The following SPATA2L variants were observed in gnomAD, a reference collection of about 807,000 sequenced individuals.
SPATA2L encodes spermatogenesis-associated protein 2-like protein.
A neutral mutation model predicts 8.7 loss-of-function variants in SPATA2L; 5 were observed. The ratio of observed to expected loss-of-function variants is 0.57; its 90% CI spans 0.30 to 1.21. The LOEUF is 1.21. Among genes scored for constraint, SPATA2L ranks in the 50% most tolerant of loss-of-function variants. The pLI, the probability that SPATA2L is intolerant of heterozygous loss-of-function variation, is 0.07. For missense variants in SPATA2L, 671 were observed against 591.0 expected (o/e 1.14, Z -1.40); for synonymous variants, 358 against 275.8 (o/e 1.30, Z -2.95).
Position 89,697,524 on chromosome 16 carries a change from G to A in SPATA2L, c.1085C>T (p.Ser362Phe), listed in dbSNP as rs776302933. The change falls in exon 3 of 3, where the codon TCC becomes TTC. Residue 362 changes from serine to phenylalanine, a missense_variant. Coordinates refer to ENST00000289805, the MANE Select transcript of SPATA2L (RefSeq NM_152339.4). Reference sequence around the variant, plus strand: ...GCAGAGGGTGGGCAGGGCGCCAGGGGACAGGCAGCTGTGTGCCTGGTAGCC... The same window carrying A: ...GCAGAGGGTGGGCAGGGCGCCAGGGAACAGGCAGCTGTGTGCCTGGTAGCC... ...PPGYQAHSCL[S>F]PGALPTLCCD... 3.1e-6 allele frequency: 5 copies of A among 1,594,670 alleles called. No individual in the cohort carries two copies. Among genetic ancestry groups the A allele is most frequent in the Non-Finnish European group, 4.3e-6 (5 of 1,171,362 alleles).
Position 89,701,101 on chromosome 16 carries a change from G to A in SPATA2L, c.132C>T (p.Asp44=). The A allele has an allele frequency of 2.6e-6, 4 of 1,564,230 alleles. No individual in the cohort carries two copies. Among genetic ancestry groups the A allele is most frequent in the Non-Finnish European group, 3.4e-6 (4 of 1,161,268 alleles). ...CGTCGTCCTGCAGCGCCCCGTGCAG[G>A]TCGAAGTCCTCCACCAGGATCTGCC... ...VLWQILVEDF[D]LHGALQDDAL... is the part of the protein sequence containing the mutation. Residue 44 remains aspartate (D), a synonymous_variant, in exon 2 of 3, where the codon GAC becomes GAT. Coordinates refer to ENST00000289805, the MANE Select transcript of SPATA2L (RefSeq NM_152339.4).
rs745406687 is a variant in SPATA2L, at chr16:89,697,513, G to T, written c.1096C>A (p.Leu366Met). The change falls in exon 3 of 3, where the codon CTG (leucine) becomes ATG (methionine). Residue 366 changes from leucine (L) to methionine (M), a missense_variant. Leu to Met is a conservative substitution (Grantham distance 15, BLOSUM62 2). Coordinates refer to ENST00000289805, the MANE Select transcript of SPATA2L (RefSeq NM_152339.4). ...QAHSCLSPGA[L>M]PTLCCDTCRQ... ...CAGGTGTCGCAGCAGAGGGTGGGCA[G>T]GGCGCCAGGGGACAGGCAGCTGTGT... is the stretch of plus-strand genomic sequence containing the variant. 6.3e-7 allele frequency: 1 copy of T among 1,597,768 alleles called. No individual in the cohort carries two copies. Among genetic ancestry groups the T allele is most frequent in the Non-Finnish European group, 8.5e-7 (1 of 1,172,864 alleles).
Position 89,697,961 on chromosome 16 carries a change from G to A in SPATA2L, c.648C>T (p.Gly216=), listed in dbSNP as rs1232140318. ...GTGGGGCCCTGTAAGCAGCAGGGGA[G>A]CCTCGGGGGGGCAGGGGTGGCGGCT... is the stretch of plus-strand genomic sequence containing the variant. The part of the protein sequence containing the change: ...DEEPPPLPPR[G]SPAAYRAPLD... Residue 216 remains glycine, a synonymous_variant, in exon 3 of 3, where the codon GGC becomes GGT. Transcript: ENST00000289805. The A allele has an allele frequency of 6.2e-7, 1 of 1,606,160 alleles. No individual in the cohort carries two copies. Among genetic ancestry groups the A allele is most frequent in the Non-Finnish European group, 8.5e-7 (1 of 1,177,328 alleles).
intron 2 of SPATA2L, 94 bp downstream of exon 2, chr16:89,700,836 C>T (rs1031483779): frequency 7.6e-7 from 1 of 1,316,592 alleles, no homozygotes; most frequent in African/African-American, 1.6e-5. Flanking sequence ...CACTTGAAGC[C>T]CCTCTCTCTC....
Position 89,697,629 on chromosome 16 carries a change from C to G in SPATA2L, c.980G>C (p.Ser327Thr). The G allele has an allele frequency of 6.2e-7, 1 of 1,606,848 alleles. No individual in the cohort carries two copies. The highest frequency in any genetic ancestry group is 8.5e-7 in the Non-Finnish European group (1 of 1,179,788). ...ACGCCTCGGGCTGGCCGCTGCAGAG[C>G]TTTCAGGGGTGGCCAGGTCCCCAGG... ...SRPGDLATPE[S>T]SAAASPRRIR... The change falls in exon 3 of 3, where the codon AGC becomes ACC. Residue 327 changes from serine (S) to threonine (T), a missense_variant. Transcript: ENST00000289805.
rs1197156418 is a variant in SPATA2L, at chr16:89,696,740, G to T, written c.*594C>A. On this transcript the variant is annotated 3_prime_UTR_variant, in exon 3 of 3. Coordinates refer to ENST00000289805, the MANE Select transcript of SPATA2L (RefSeq NM_152339.4). ...CGCCTCTCGTGCACCTCCACATCTG[G>T]TTTGAGGTCAGGTCATTTCCTGTCT... The T allele has an allele frequency of 6.7e-7, 1 of 1,499,014 alleles. No homozygotes were observed. The highest frequency in any genetic ancestry group is 2.5e-5 in the East Asian group (1 of 40,498). The allele number at this position is 1,499,014 out of a possible 1,614,324, so 92.9% of individuals were successfully genotyped here. A position where few individuals can be genotyped will look rare whatever the true frequency, so the allele number is the denominator to read the frequency against.
In SPATA2L at chr16:89,696,616, A is replaced by C. The variant is rs923671738; in HGVS notation, c.*718T>G. The C allele has an allele frequency of 4.7e-6, 3 of 640,754 alleles. No homozygotes were observed. Among genetic ancestry groups the C allele is most frequent in the African/African-American group, 1.8e-5 (1 of 54,228 alleles). 39.7% of individuals were successfully genotyped at this position (640,754 alleles called of 1,614,324 possible). A position where few individuals can be genotyped will look rare whatever the true frequency, so the allele number is the denominator to read the frequency against. ...GAGGGGCACCATTACCACTGGACCC[A>C]CCAAGACCCCGCCGCCTGGGCGGGC... is the stretch of plus-strand genomic sequence containing the variant. On this transcript the variant is annotated 3_prime_UTR_variant, in exon 3 of 3. Coordinates refer to ENST00000289805, the MANE Select transcript of SPATA2L (RefSeq NM_152339.4).
At chr16:89,700,313 G>A (rs2060767412) in intron 2 of SPATA2L, among the ~76,000 whole-genome samples, 1 of 152,216 alleles carries the variant, frequency 6.6e-6, no homozygotes, top group Non-Finnish European at 1.5e-5. Context: ...CATGGCAACC[G>A]GCGGAGGCGT....
chr16:89,701,449 G>A (rs2060775283), intron 1 of SPATA2L, 179 bp downstream of exon 1: 2 of 442,078 alleles, frequency 4.5e-6, no homozygotes, highest in Non-Finnish European at 7.8e-6. Flanking sequence ...CCCTCCAGTT[G>A]AGCGCCCCCG....
chr16:89,699,155 G>C (rs2060758444), intron 2 of SPATA2L, among the ~76,000 whole-genome samples: 1 of 152,116 alleles, frequency 6.6e-6, no homozygotes, highest in South Asian at 2.1e-4. Context: ...ACAAAATGAA[G>C]AGCCCCTGTA....
At position 89,700,930 on chromosome 16, in the gene SPATA2L, C is replaced by G. The variant is rs762195901; in HGVS notation, c.303G>C (p.Lys101Asn). 6.8e-7 allele frequency: 1 copy of G among 1,464,932 alleles called. No individual in the cohort carries two copies. The highest frequency in any genetic ancestry group is 9.1e-7 in the Non-Finnish European group (1 of 1,104,888). The allele number at this position is 1,464,932 out of a possible 1,614,324, so 90.7% of individuals were successfully genotyped here. Residue 101 changes from lysine to asparagine, a missense_variant and splice_region_variant, in exon 2 of 3, where the codon AAG becomes AAC. Physicochemically the swap from Lys to Asn is moderately conservative, Grantham distance 94 (BLOSUM62 0). Transcript: ENST00000289805. ...LPWRKEFTTI[K>N]TFSGGYVHVL... ...GCGCTCCTCCTGGCCTGGCGCCTACCTTGATGGTGGTGAACTCCTTCCTCC... is the reference window on the plus strand; with the variant it reads ...GCGCTCCTCCTGGCCTGGCGCCTACGTTGATGGTGGTGAACTCCTTCCTCC...
rs933295837 is a variant in SPATA2L at position 89,696,960 on chromosome 16, C to T, written c.*374G>A. On this transcript the variant is annotated 3_prime_UTR_variant, in exon 3 of 3. Coordinates refer to ENST00000289805, the MANE Select transcript of SPATA2L (RefSeq NM_152339.4). ...CGTGGAGGACCCCCAAGTCCTGAGC[C>T]CCGTACTCCGTACTGCAGGGAGCAG... is the stretch of plus-strand genomic sequence containing the variant. 5.4e-6 allele frequency: 8 copies of T among 1,490,592 alleles called. No individual in the cohort carries two copies. In the African/African-American group the frequency reaches 1.1e-4, roughly 21 times the overall value. The allele number at this position is 1,490,592 out of a possible 1,614,324, so 92.3% of individuals were successfully genotyped here.
chr16:89,698,024 A>G lies in SPATA2L; in HGVS notation c.585T>C (p.Cys195=). 1.3e-6 allele frequency: 2 copies of G among 1,599,186 alleles called. No individual in the cohort carries two copies. Among genetic ancestry groups the G allele is most frequent in the South Asian group, 2.2e-5 (2 of 90,780 alleles). ...ARRASGDVAS[C]VAWLQQRLAQ... ...CCAGCCGCTGCTGCAGCCAGGCCAC[A>G]CAGGAGGCCACGTCCCCGCTGGCAC... Residue 195 remains cysteine, a synonymous_variant, in exon 3 of 3, where the codon TGT becomes TGC. Coordinates refer to ENST00000289805, the MANE Select transcript of SPATA2L (RefSeq NM_152339.4).
rs769842937 is a variant in SPATA2L at position 89,698,255 on chromosome 16, G to A, written c.354C>T (p.Asp118=). The change falls in exon 3 of 3, where the codon GAC becomes GAT. Residue 118 remains aspartate (D), a synonymous_variant. Coordinates refer to ENST00000289805, the MANE Select transcript of SPATA2L (RefSeq NM_152339.4). ...VHVLKGVLSD[D]LLLKSFQKMG... is the part of the protein sequence containing the mutation. ...TCTTCTGGAAGCTCTTCAGGAGGAG[G>A]TCGTCTGAGAGCACACCCTTCAGCA... The A allele has an allele frequency of 1.4e-5, 22 of 1,604,710 alleles. No individual in the cohort carries two copies. Among genetic ancestry groups the A allele is most frequent in the Admixed American group, 5.1e-5 (3 of 59,392 alleles).
At chr16:89,698,355 A>T (rs2060751947) in intron 2 of SPATA2L, 50 bp from the exon 3 acceptor site, 1 of 1,509,184 alleles carries the variant, frequency 6.6e-7, no homozygotes, top group Non-Finnish European at 8.9e-7. Flanking sequence ...CATAGGCCAG[A>T]CCCTAGGGTA....
Position 89,700,957 on chromosome 16 carries a change from G to A in SPATA2L, c.276C>T (p.Pro92=), listed in dbSNP as rs1316917989. Residue 92 remains proline (P), a synonymous_variant, in exon 2 of 3, where the codon CCC becomes CCT. Coordinates refer to ENST00000289805, the MANE Select transcript of SPATA2L (RefSeq NM_152339.4). ...TGATGGTGGTGAACTCCTTCCTCCA[G>A]GGCAGCAGGTACAGGTGCACCGCGG... is the stretch of plus-strand genomic sequence containing the variant. ...ELAAVHLYLL[P]WRKEFTTIKT... 1 of 1,523,744 alleles carries A rather than the reference G, an allele frequency of 6.6e-7. No homozygotes were observed. Among genetic ancestry groups the A allele is most frequent in the Non-Finnish European group, 8.8e-7 (1 of 1,134,848 alleles). The allele number at this position is 1,523,744 out of a possible 1,614,324, so 94.4% of individuals were successfully genotyped here. A position where few individuals can be genotyped will look rare whatever the true frequency, so the allele number is the denominator to read the frequency against.
In SPATA2L at chr16:89,696,778, G is replaced by A. The variant is rs1372403496; in HGVS notation, c.*556C>T. On this transcript the variant is annotated 3_prime_UTR_variant, in exon 3 of 3. Transcript: ENST00000289805. ...TCATTTCCTGTCTGTGGGCCCAGCTGCTGTGACACCCAAGGGGAGGGCCGG... is the reference window on the plus strand; with the variant it reads ...TCATTTCCTGTCTGTGGGCCCAGCTACTGTGACACCCAAGGGGAGGGCCGG... 2 of 1,533,112 alleles carry A rather than the reference G, an allele frequency of 1.3e-6. No individual in the cohort carries two copies. Among genetic ancestry groups the A allele is most frequent in the Admixed American group, 3.9e-5 (2 of 50,830 alleles). The allele number at this position is 1,533,112 out of a possible 1,614,324, so 95.0% of individuals were successfully genotyped here. A position where few individuals can be genotyped will look rare whatever the true frequency, so the allele number is the denominator to read the frequency against.
At position 89,697,364 on chromosome 16, in the gene SPATA2L, CAG is replaced by C; in HGVS notation, c.1243_1244del (p.Leu415AlafsTer76). ...LWLQRAQMDT[L>X]LYNSPGARP Reference sequence around the variant, plus strand: ...GCCGGGCCCCGGGGCTGTTGTAGAGCAGAGTGTCCATCTGTGCACGCTGTAGC... The same window carrying C: ...GCCGGGCCCCGGGGCTGTTGTAGAGCAGTGTCCATCTGTGCACGCTGTAGC... On this transcript the variant is annotated frameshift_variant, in exon 3 of 3. Coordinates refer to ENST00000289805, the MANE Select transcript of SPATA2L (RefSeq NM_152339.4). LOFTEE classifies it high-confidence loss of function. The C allele has an allele frequency of 6.5e-7, 1 of 1,550,174 alleles. No homozygotes were observed. Among genetic ancestry groups the C allele is most frequent in the Non-Finnish European group, 8.7e-7 (1 of 1,146,770 alleles).
Position 89,696,922 on chromosome 16 carries a change from A to C in SPATA2L, c.*412T>G. On this transcript the variant is annotated 3_prime_UTR_variant, in exon 3 of 3. Transcript: ENST00000289805. ...GGCCCTTGAGGACACTCGTGTGGAG[A>C]ATCCCTGGGACACGTGGAGGACCCC... 1 of 1,522,400 alleles carries C rather than the reference A, an allele frequency of 6.6e-7. No homozygotes were observed. Among genetic ancestry groups the C allele is most frequent in the Non-Finnish European group, 8.8e-7 (1 of 1,137,378 alleles). 94.3% of individuals were successfully genotyped at this position (1,522,400 alleles called of 1,614,324 possible).
Sources: allele counts gnomAD v4.1 joint callset (sites outside exome capture counted in the v4.1 genomes callset), GRCh38; gene constraint gnomAD v4.1.1; transcripts MANE v1.5; gene names NCBI Gene and HGNC (gene_info 2026-07-23, HGNC 2026-07-21).